The following INSR variants were observed in gnomAD, a reference collection of about 807,000 sequenced individuals.
INSR encodes the protein insulin receptor, also known as IR.
INSR carries 67 observed loss-of-function variants against 142.6 expected under a neutral mutation model. The ratio of observed to expected loss-of-function variants is 0.47; its 90% confidence interval spans 0.39 to 0.58. INSR has a LOEUF of 0.58. Ranked by LOEUF, INSR falls within the 20% of genes least tolerant of loss-of-function variation. The pLI, the probability that INSR is intolerant of heterozygous loss-of-function variation, is 0.00. For missense variants in INSR, 1,248 were observed against 1,833.2 expected (o/e 0.68, Z 5.83); for synonymous variants, 756 against 743.1 (o/e 1.02, Z -0.28).
At chr19:7,143,886 C>G (rs775381117) in intron 11 of INSR, among the ~76,000 whole-genome samples, 2 of 152,094 alleles carry the variant, frequency 1.3e-5, no homozygotes, top group Non-Finnish European at 2.9e-5. Context: ...GAAACCCCGT[C>G]TCTACTAAAA....
chr19:7,120,877 G>C (rs1327575145), intron 19 of INSR, 128 bp from the exon 20 acceptor site: 1 of 1,140,790 alleles, frequency 8.8e-7, no homozygotes, highest in African/African-American at 1.5e-5. Context: ...GCTCACCTGG[G>C]TGGTGGCCAA....
At chr19:7,175,730 G>C (rs898703072) in intron 3 of INSR, among the ~76,000 whole-genome samples, 4 of 152,014 alleles carry the variant, frequency 2.6e-5, no homozygotes, top group African/African-American at 9.7e-5. Context: ...AGCTACTCAG[G>C]AGGCTGAGGT....
Position 7,153,774 on chromosome 19 carries a change from C to T in INSR, c.2030-847G>A, listed in dbSNP as rs557617598. 4.5e-3 allele frequency among the ~76,000 whole-genome samples: 683 copies of T among 151,912 alleles called. 5 individuals carry two copies. The highest frequency in any genetic ancestry group is 0.016 in the African/African-American group (662 of 41,420). ...CTCACACCCTTAATCCTGGCACTTT[C>T]GGAGGCCGAGGTGTGAGGATCACGT... On this transcript the variant is annotated intron_variant, in intron 9 of 21. Coordinates refer to ENST00000302850, the MANE Select transcript of INSR (RefSeq NM_000208.4).
At chr19:7,270,746 A>G (rs903439822) in intron 1 of INSR, among the ~76,000 whole-genome samples, 2 of 151,580 alleles carry the variant, frequency 1.3e-5, no homozygotes, top group Non-Finnish European at 2.9e-5. Context: ...CAACAGAGTG[A>G]GACCTCGTCT....
intron 1 of INSR, among the ~76,000 whole-genome samples, chr19:7,286,058 G>A (rs955634678): frequency 2.6e-5 from 4 of 152,016 alleles, no homozygotes; most frequent in African/African-American, 9.7e-5. Flanking sequence ...CAGCTCACTG[G>A]CGCCTCGACT....
chr19:7,122,867 G>A lies in INSR; in HGVS notation c.3369+12C>T, dbSNP rs563467530. On this transcript the variant is annotated intron_variant, in intron 18 of 21. Coordinates refer to ENST00000302850, the MANE Select transcript of INSR (RefSeq NM_000208.4). Reference sequence around the variant, plus strand: ...CACCGAGTACCCCGCTGGGTCCCCCGAAGCAGCTTACCTCAGCCTCTGGCC... The same window carrying A: ...CACCGAGTACCCCGCTGGGTCCCCCAAAGCAGCTTACCTCAGCCTCTGGCC... The A allele has an allele frequency of 1.2e-5, 19 of 1,609,602 alleles. No individual in the cohort carries two copies. The highest frequency in any genetic ancestry group is 2.2e-5 in the East Asian group (1 of 44,742).
intron 1 of INSR, among the ~76,000 whole-genome samples, chr19:7,287,242 C>A (rs1243892096): frequency 6.6e-6 from 1 of 151,576 alleles, no homozygotes; most frequent in East Asian, 1.9e-4. Context: ...TCACTGCAAC[C>A]TCCACCTCCC....
chr19:7,139,814 G>A (rs555465189), intron 13 of INSR, among the ~76,000 whole-genome samples: 202 of 138,646 alleles, frequency 1.5e-3, no homozygotes, highest in African/African-American at 5.1e-3. Context: ...AGTCTCTGTT[G>A]CGTATTCTTT....
intron 11 of INSR, among the ~76,000 whole-genome samples, chr19:7,148,474 A>ATTTTTTTTTTT (rs1568445065): frequency 4.7e-4 from 24 of 50,804 alleles, no homozygotes; most frequent in African/African-American, 7.0e-4. Flanking sequence ...TTATGTATTT[A>ATTTTTTTTTTT]TTCTTTTTTT....
chr19:7,196,045 C>T (rs1974739407), intron 2 of INSR, among the ~76,000 whole-genome samples: 2 of 152,034 alleles, frequency 1.3e-5, no homozygotes, highest in Non-Finnish European at 2.9e-5. Flanking sequence ...AAGCGAACCT[C>T]CTGCCTCAGC....
intron 9 of INSR, among the ~76,000 whole-genome samples, chr19:7,153,151 A>ACACC (rs1440191145): frequency 2.2e-5 from 1 of 45,524 alleles, no homozygotes; most frequent in Admixed American, 2.3e-4. Flanking sequence ...CACACCACAC[A>ACACC]ACACACCACA....
At position 7,293,816 on chromosome 19, in the gene INSR, C is replaced by A; in HGVS notation, c.76G>T (p.Ala26Ser). 1 of 1,347,328 alleles carries A rather than the reference C, an allele frequency of 7.4e-7. No homozygotes were observed. The highest frequency in any genetic ancestry group is 1.8e-5 in the South Asian group (1 of 54,144). The allele number at this position is 1,347,328 out of a possible 1,614,324, so 83.5% of individuals were successfully genotyped here. Residue 26 changes from alanine to serine, a missense_variant, in exon 1 of 22, where the codon GCG becomes TCG. Coordinates refer to ENST00000302850, the MANE Select transcript of INSR (RefSeq NM_000208.4). The part of the protein sequence containing the change: ...VAVAALLLGA[A>S]GHLYPGEVCP... Reference sequence around the variant, plus strand: ...CCCTCTCCGGGGTACAGGTGGCCCGCGGCGCCCAGTAGCAGCGCGGCCACC... The same window carrying A: ...CCCTCTCCGGGGTACAGGTGGCCCGAGGCGCCCAGTAGCAGCGCGGCCACC...
intron 14 of INSR, 108 bp from the exon 15 acceptor site, chr19:7,129,062 C>T: frequency 1.2e-6 from 1 of 805,078 alleles, no homozygotes. Context: ...TGTTCCTTCC[C>T]TCCCTTGTCC....
intron 2 of INSR, among the ~76,000 whole-genome samples, chr19:7,226,534 C>T (rs1053904239): frequency 2.0e-5 from 3 of 151,766 alleles, no homozygotes; most frequent in African/African-American, 7.3e-5. Flanking sequence ...AAGACCATCC[C>T]TGGCAACATA....
intron 13 of INSR, among the ~76,000 whole-genome samples, chr19:7,136,627 C>T (rs1005016665): frequency 6.6e-6 from 1 of 151,924 alleles, no homozygotes; most frequent in African/African-American, 2.4e-5. Flanking sequence ...CAGCACAACC[C>T]CAATCCCACC....
At position 7,267,484 on chromosome 19, in the gene INSR, G is replaced by A; in HGVS notation, c.513C>T (p.Tyr171=). ...SRILDSVEDN[Y]IVLNKDDNEE... ...CGTTGTCATCTTTGTTCAACACGATGTAATTATCCTCCACGGAATCCAGGA... is the reference window on the plus strand; with the variant it reads ...CGTTGTCATCTTTGTTCAACACGATATAATTATCCTCCACGGAATCCAGGA... The change falls in exon 2 of 22, where the codon TAC becomes TAT. Residue 171 remains tyrosine, a synonymous_variant. Transcript: ENST00000302850. This position sits in a 1 kb window ranked among gnomAD's most constrained non-coding sequence, Gnocchi z 6.3. 4 of 1,614,090 alleles carry A rather than the reference G, an allele frequency of 2.5e-6. No individual in the cohort carries two copies. The highest frequency in any genetic ancestry group is 3.4e-6 in the Non-Finnish European group (4 of 1,180,010).
chr19:7,219,854 A>T (rs1283671680), intron 2 of INSR, among the ~76,000 whole-genome samples: 1 of 152,104 alleles, frequency 6.6e-6, no homozygotes, highest in African/African-American at 2.4e-5. Flanking sequence ...GAAGTCTGAG[A>T]CACGTGGTCT....
At position 7,185,841 on chromosome 19, in the gene INSR, CAA is replaced by C. The variant is rs754262409; in HGVS notation, c.653-1206_653-1205del. On this transcript the variant is annotated intron_variant, in intron 2 of 21. Transcript: ENST00000302850. ...CTGGGCAACAAGTGCAAAATTCTGTCAAAAAAAAAAAAAAAAAAGAGAGAGAG... is the reference window on the plus strand; with the variant it reads ...CTGGGCAACAAGTGCAAAATTCTGTCAAAAAAAAAAAAAAAAGAGAGAGAG... Among the ~76,000 whole-genome samples, 46 of 45,046 alleles carry C rather than the reference CAA, an allele frequency of 1.0e-3. 1 individual carries two copies. Among genetic ancestry groups the C allele is most frequent in the South Asian group, 2.8e-3 (2 of 712 alleles). The allele number at this position is 45,046 out of a possible 152,430, so 29.6% of individuals were successfully genotyped here.
At chr19:7,203,488 G>A (rs1206852710) in intron 2 of INSR, among the ~76,000 whole-genome samples, 1 of 152,130 alleles carries the variant, frequency 6.6e-6, no homozygotes. Context: ...GTTTGGAATC[G>A]ATCTCCGTGG....
Sources: allele counts gnomAD v4.1 joint callset (sites outside exome capture counted in the v4.1 genomes callset), GRCh38; gene constraint gnomAD v4.1.1; non-coding constraint Gnocchi (gnomAD v3.1); transcripts MANE v1.5; gene names NCBI Gene and HGNC (gene_info 2026-07-23, HGNC 2026-07-21).